Variants in GUCY1A2 observed in about 807,000 individuals in gnomAD.
GUCY1A2 encodes the protein guanylate cyclase 1 soluble subunit alpha 2, also known as guanylate cyclase soluble subunit alpha-2.
Under a neutral mutation model 63.5 loss-of-function variants are expected in GUCY1A2, and 27 were observed. That is an observed-to-expected ratio of 0.43 (90% CI 0.31 to 0.59). The LOEUF (loss-of-function observed/expected upper bound fraction) is 0.59. GUCY1A2 is among the 20% of genes least tolerant of loss of function. The pLI is 0.11. For synonymous variants in GUCY1A2, 364 were observed against 343.5 expected (o/e 1.06, Z -0.66); for missense variants, 768 against 913.3 (o/e 0.84, Z 2.05).
At chr11:106,749,105 G>A (rs1174745908) in intron 6 of GUCY1A2, among the ~76,000 whole-genome samples, 1 of 151,982 alleles carries the variant, frequency 6.6e-6, no homozygotes, top group Non-Finnish European at 1.5e-5. Context: ...ACTGCCTACA[G>A]TATTCAGTAT....
intron 6 of GUCY1A2, among the ~76,000 whole-genome samples, chr11:106,735,146 C>G: frequency 6.6e-6 from 1 of 152,080 alleles, no homozygotes; most frequent in Non-Finnish European, 1.5e-5. Context: ...TATAAAGATT[C>G]CAGTTGTATT....
intron 4 of GUCY1A2, among the ~76,000 whole-genome samples, chr11:106,858,943 AC>A (rs1859472626): frequency 6.6e-6 from 1 of 152,080 alleles, no homozygotes; most frequent in South Asian, 2.1e-4. Flanking sequence ...TAAAATTGAA[AC>A]ATTGGAGCAG....
chr11:106,707,297 T>C (rs1350345273), intron 7 of GUCY1A2, among the ~76,000 whole-genome samples: 2 of 152,118 alleles, frequency 1.3e-5, no homozygotes, highest in Non-Finnish European at 2.9e-5. Context: ...TGATACCAAA[T>C]TACCCTCTAA....
intron 4 of GUCY1A2, among the ~76,000 whole-genome samples, chr11:106,847,939 A>G (rs1859298518): frequency 1.3e-5 from 2 of 151,680 alleles, no homozygotes; most frequent in Non-Finnish European, 3.0e-5. Context: ...CTCTGTTTCT[A>G]CAAAGGACCA....
chr11:106,974,684 T>C (rs1158784302), intron 3 of GUCY1A2, among the ~76,000 whole-genome samples: 1 of 152,070 alleles, frequency 6.6e-6, no homozygotes, highest in Non-Finnish European at 1.5e-5. Flanking sequence ...CCCAATAAAA[T>C]AATCCCATGA....
In GUCY1A2 at chr11:106,684,172, A is replaced by C; in HGVS notation, c.*3377T>G. The C allele has an allele frequency of 5.4e-6, 1 of 184,766 alleles. No homozygotes were observed. The highest frequency in any genetic ancestry group is 1.1e-5 in the Non-Finnish European group (1 of 87,062). The allele number at this position is 184,766 out of a possible 1,614,324, so 11.4% of individuals were successfully genotyped here. ...GAAGGAGTGCAAGACTGTAAGAAACAACATTTGAAGTGCTGAACCTACAGA... is the reference window on the plus strand; with the variant it reads ...GAAGGAGTGCAAGACTGTAAGAAACCACATTTGAAGTGCTGAACCTACAGA... On this transcript the variant is annotated 3_prime_UTR_variant, in exon 8 of 8. Transcript: ENST00000526355.
At chr11:106,778,129 C>T (rs1864392210) in intron 5 of GUCY1A2, among the ~76,000 whole-genome samples, 3 of 152,132 alleles carry the variant, frequency 2.0e-5, no homozygotes, top group Non-Finnish European at 2.9e-5. Context: ...GTATTAATGG[C>T]AAAAACTGCA....
chr11:107,013,738 T>C (rs1209441425), intron 1 of GUCY1A2, among the ~76,000 whole-genome samples: 1 of 152,116 alleles, frequency 6.6e-6, no homozygotes, highest in African/African-American at 2.4e-5. Context: ...TTTATTATTA[T>C]GGCTGCACCC....
chr11:106,949,240 C>T (rs951918857), intron 3 of GUCY1A2, among the ~76,000 whole-genome samples: 1 of 152,092 alleles, frequency 6.6e-6, no homozygotes, highest in Non-Finnish European at 1.5e-5. Context: ...GAAAGCCCTC[C>T]AATGACTGTT....
chr11:106,926,516 C>G (rs913076634), intron 4 of GUCY1A2, among the ~76,000 whole-genome samples: 4 of 151,740 alleles, frequency 2.6e-5, no homozygotes, highest in African/African-American at 9.7e-5. Flanking sequence ...GAGCCTTGCT[C>G]AGATTATAGA....
intron 1 of GUCY1A2, among the ~76,000 whole-genome samples, chr11:106,987,215 C>T (rs1368990134): frequency 6.6e-6 from 1 of 152,204 alleles, no homozygotes; most frequent in South Asian, 2.1e-4. Context: ...AGATGTGAGG[C>T]AGCATGGTAG....
chr11:106,797,748 T>C (rs1864792986), intron 5 of GUCY1A2, among the ~76,000 whole-genome samples: 1 of 152,104 alleles, frequency 6.6e-6, no homozygotes. Context: ...AACCAGCATC[T>C]CTGGGACACA....
intron 4 of GUCY1A2, chr11:106,827,177 G>A (rs1858982755): frequency 6.7e-7 from 1 of 1,501,452 alleles, no homozygotes; most frequent in Non-Finnish European, 9.3e-7. Flanking sequence ...AAGCCTTCAT[G>A]CCAATCTGGT....
chr11:106,753,443 G>A (rs1423523450), intron 6 of GUCY1A2, among the ~76,000 whole-genome samples: 1 of 152,100 alleles, frequency 6.6e-6, no homozygotes, highest in Non-Finnish European at 1.5e-5. Context: ...CTTTGCCCAC[G>A]CCTATGTCTG....
chr11:106,674,254 A>C lies in GUCY1A2; in HGVS notation c.*13295T>G, dbSNP rs560707215. On this transcript the variant is annotated 3_prime_UTR_variant, in exon 8 of 8. Transcript: ENST00000526355. ...AATGCAAAGACATTTTACATCATGA[A>C]ACATGCTATTTACATTGTGAATGAT... The C allele has an allele frequency of 5.4e-6, 1 of 184,774 alleles. No homozygotes were observed. The highest frequency in any genetic ancestry group is 2.3e-5 in the African/African-American group (1 of 42,794). 11.4% of individuals were successfully genotyped at this position (184,774 alleles called of 1,614,324 possible).
chr11:106,738,753 A>G (rs1353615266), intron 6 of GUCY1A2, among the ~76,000 whole-genome samples: 2 of 152,034 alleles, frequency 1.3e-5, no homozygotes, highest in Non-Finnish European at 2.9e-5. Context: ...TGGTCTATAC[A>G]TCTGTTTTGG....
At position 106,733,424 on chromosome 11, in the gene GUCY1A2, G is replaced by C. The variant is rs577295237; in HGVS notation, c.1837-24758C>G. Among the ~76,000 whole-genome samples, 43 of 152,234 alleles carry C rather than the reference G, an allele frequency of 2.8e-4. 1 individual carries two copies. The highest frequency in any genetic ancestry group is 9.9e-4 in the African/African-American group (41 of 41,540). On this transcript the variant is annotated intron_variant, in intron 6 of 7. Coordinates refer to ENST00000526355, the MANE Select transcript of GUCY1A2 (RefSeq NM_000855.3). Reference sequence around the variant, plus strand: ...ACTGTAAGCAATATTTTCTCAAGAAGTTAACTCCTCAAACACTGGTCAAGG... The same window carrying C: ...ACTGTAAGCAATATTTTCTCAAGAACTTAACTCCTCAAACACTGGTCAAGG...
intron 4 of GUCY1A2, among the ~76,000 whole-genome samples, chr11:106,830,195 T>C (rs1292001270): frequency 2.0e-5 from 3 of 152,232 alleles, no homozygotes; most frequent in Admixed American, 1.3e-4. Flanking sequence ...TAAGTGTTAT[T>C]ACTTTATGTG....
chr11:106,803,715 A>G (rs1429942726), intron 5 of GUCY1A2, among the ~76,000 whole-genome samples: 1 of 152,226 alleles, frequency 6.6e-6, no homozygotes. Context: ...TCTCTTATTT[A>G]CAGATGATAA....
Sources: gnomAD v4.1 joint callset for allele counts (sites outside exome capture counted in the v4.1 genomes callset) on GRCh38, gnomAD v4.1.1 for gene constraint, MANE v1.5 for transcripts, NCBI Gene and HGNC (gene_info 2026-07-23, HGNC 2026-07-21) for gene names.